The following SLFN12L variants were observed in gnomAD, a reference collection of about 807,000 sequenced individuals.
The protein encoded by SLFN12L is schlafen family member 12-like.
SLFN12L carries 34 observed loss-of-function variants against 34.8 expected under a neutral mutation model. The observed-to-expected ratio is 0.98, with a 90% CI of 0.74 to 1.30. SLFN12L has a LOEUF of 1.30. Among genes scored for constraint, SLFN12L ranks in the 50% most tolerant of loss-of-function variants. SLFN12L has a pLI of 0.00. For missense variants in SLFN12L, 703 were observed against 696.2 expected (o/e 1.01, Z -0.11); for synonymous variants, 259 against 247.5 (o/e 1.05, Z -0.44).
chr17:35,518,000 G>T (rs975710862), intron 2 of SLFN12L, among the ~76,000 whole-genome samples: 2 of 152,252 alleles, frequency 1.3e-5, no homozygotes, highest in East Asian at 3.9e-4. Flanking sequence ...AAGACTTCAT[G>T]ACTAAAACAA....
intron 2 of SLFN12L, chr17:35,490,970 C>A (rs1914812504): frequency 1.3e-6 from 1 of 785,006 alleles, no homozygotes. Flanking sequence ...CAACTCAGGA[C>A]ATAGCGATTG....
At chr17:35,488,170 C>A (rs907614884) in intron 2 of SLFN12L, among the ~76,000 whole-genome samples, 1 of 152,196 alleles carries the variant, frequency 6.6e-6, no homozygotes, top group Non-Finnish European at 1.5e-5. Flanking sequence ...GATCGTGCCA[C>A]TACGCTCCAG....
intron 2 of SLFN12L, among the ~76,000 whole-genome samples, chr17:35,496,453 GT>G (rs762544662): frequency 2.0e-5 from 3 of 152,026 alleles, no homozygotes; most frequent in Non-Finnish European, 4.4e-5. Flanking sequence ...GAAGCCCCGC[GT>G]TTCCTCCTGG....
chr17:35,498,252 G>C, intron 2 of SLFN12L: 1 of 779,434 alleles, frequency 1.3e-6, no homozygotes, highest in Non-Finnish European at 2.4e-6. Flanking sequence ...CCAGATGGCA[G>C]TGTCCTGCTA....
intron 2 of SLFN12L, among the ~76,000 whole-genome samples, chr17:35,489,070 A>G (rs373653820): frequency 1.3e-4 from 19 of 151,822 alleles, no homozygotes; most frequent in African/African-American, 4.6e-4. Context: ...ACTTTGCCTC[A>G]AAAACAAAAC....
intron 2 of SLFN12L, among the ~76,000 whole-genome samples, chr17:35,489,117 A>T (rs969702409): frequency 6.6e-6 from 1 of 152,074 alleles, no homozygotes; most frequent in African/African-American, 2.4e-5. Flanking sequence ...TCTTCATTTC[A>T]TCTGATTCTC....
chr17:35,497,478 A>T (rs1915132369), intron 2 of SLFN12L, among the ~76,000 whole-genome samples: 1 of 152,220 alleles, frequency 6.6e-6, no homozygotes. Context: ...ACCTAGGCTT[A>T]GTAGCACTGT....
intron 1 of SLFN12L, among the ~76,000 whole-genome samples, chr17:35,528,371 A>AAAAAAG (rs200518343): frequency 0.98 from 148,988 of 152,234 alleles, 72,905 homozygotes; most frequent in East Asian, 1. Context: ...ATATAGAACC[A>AAAAAAG]AGCCTGCATA....
intron 2 of SLFN12L, among the ~76,000 whole-genome samples, chr17:35,517,330 A>C (rs1032711223): frequency 6.6e-6 from 1 of 152,218 alleles, no homozygotes; most frequent in Non-Finnish European, 1.5e-5. Flanking sequence ...AATACCTAGG[A>C]ATACAACTTA....
chr17:35,522,619 G>A lies in SLFN12L; in HGVS notation c.-255C>T. The A allele has an allele frequency of 6.2e-7, 1 of 1,611,434 alleles. No individual in the cohort carries two copies. Among genetic ancestry groups the A allele is most frequent in the South Asian group, 1.1e-5 (1 of 90,904 alleles). ...AGGGTAATCCATCGGAGACACTGCA[G>A]CCTCCAAAGCCTCTGCGCTGCTCTC... is the stretch of plus-strand genomic sequence containing the variant. On this transcript the variant is annotated 5_prime_UTR_variant, in exon 2 of 5. Coordinates refer to ENST00000628453, the MANE Select transcript of SLFN12L (RefSeq NM_001363830.2).
intron 1 of SLFN12L, among the ~76,000 whole-genome samples, chr17:35,535,336 A>G (rs368258768): frequency 6.6e-6 from 1 of 150,860 alleles, no homozygotes; most frequent in Non-Finnish European, 1.5e-5. Flanking sequence ...GATTACAGAC[A>G]TGTGCCACCT....
At chr17:35,527,778 T>C (rs2072352657) in intron 1 of SLFN12L, among the ~76,000 whole-genome samples, 1 of 152,158 alleles carries the variant, frequency 6.6e-6, no homozygotes, top group South Asian at 2.1e-4. Context: ...ATACATTCCC[T>C]TTGAAAACCA....
In SLFN12L at chr17:35,469,325, TAAATATATATATAA is replaced by T. The variant is rs1913768006; in HGVS notation, c.*5584_*5597del. On this transcript the variant is annotated 3_prime_UTR_variant, in exon 5 of 5. Coordinates refer to ENST00000628453, the MANE Select transcript of SLFN12L (RefSeq NM_001363830.2). The stretch of plus-strand genomic sequence containing the variant: ...ATAAAATATATATATATTATATATA[TAAATATATATATAA>T]TATATATATATATGTATTTCAAACT... Among the ~76,000 whole-genome samples the T allele has an allele frequency of 1.5e-5, 2 of 137,154 alleles. No homozygotes were observed. The highest frequency in any genetic ancestry group is 3.0e-5 in the Non-Finnish European group (2 of 65,776). The allele number at this position is 137,154 out of a possible 152,430, so 90.0% of individuals were successfully genotyped here. A position where few individuals can be genotyped will look rare whatever the true frequency, so the allele number is the denominator to read the frequency against.
intron 1 of SLFN12L, among the ~76,000 whole-genome samples, chr17:35,524,362 G>A (rs1432912469): frequency 1.3e-5 from 2 of 152,200 alleles, no homozygotes; most frequent in African/African-American, 2.4e-5. Flanking sequence ...CTAGCACAGC[G>A]TTCGAGCTTG....
chr17:35,475,930 T>TA (rs1414115803), intron 4 of SLFN12L, among the ~76,000 whole-genome samples: 5 of 147,032 alleles, frequency 3.4e-5, no homozygotes, highest in Non-Finnish European at 6.0e-5. Context: ...TATATTTTTT[T>TA]AAATTTATAT....
At chr17:35,508,130 C>T (rs568631908) in intron 2 of SLFN12L, among the ~76,000 whole-genome samples, 9 of 152,280 alleles carry the variant, frequency 5.9e-5, no homozygotes, top group African/African-American at 1.7e-4. Flanking sequence ...TGTTCTGTTC[C>T]GTTCTGATTA....
intron 1 of SLFN12L, among the ~76,000 whole-genome samples, chr17:35,532,955 T>C (rs759229913): frequency 6.6e-6 from 1 of 152,192 alleles, no homozygotes; most frequent in Non-Finnish European, 1.5e-5. Context: ...TTATTAAATA[T>C]ATATTGTTTG....
At chr17:35,503,295 G>A (rs1915363472) in intron 2 of SLFN12L, among the ~76,000 whole-genome samples, 1 of 152,274 alleles carries the variant, frequency 6.6e-6, no homozygotes, top group East Asian at 1.9e-4. Context: ...CAGTTTTTCT[G>A]AGAACTGGAC....
chr17:35,496,872 G>GT (rs1256603339), intron 2 of SLFN12L, among the ~76,000 whole-genome samples: 2 of 152,126 alleles, frequency 1.3e-5, no homozygotes, highest in Non-Finnish European at 2.9e-5. Context: ...GGCCCAAAAC[G>GT]TTTTGCCAGA....
Sources: gnomAD v4.1 joint callset for allele counts (sites outside exome capture counted in the v4.1 genomes callset) on GRCh38, gnomAD v4.1.1 for gene constraint, MANE v1.5 for transcripts, NCBI Gene and HGNC (gene_info 2026-07-23, HGNC 2026-07-21) for gene names.